CCDC141: variants seen among roughly 807,000 people sequenced by gnomAD.
CCDC141 encodes coiled-coil domain-containing protein 141.
In CCDC141, 168 loss-of-function variants were observed where a neutral mutation model predicts 181.0. The ratio of observed to expected loss-of-function variants is 0.93; its 90% CI spans 0.82 to 1.05. CCDC141 has a LOEUF of 1.05. Ranked by LOEUF, CCDC141 falls within the 50% of genes least tolerant of loss-of-function variation. CCDC141 has a pLI of 0.00. For missense variants in CCDC141, 1,902 were observed against 1,788.5 expected (o/e 1.06, Z -1.14); for synonymous variants, 666 against 642.3 (o/e 1.04, Z -0.56).
At chr2:178,957,986 C>T (rs1405317592) in intron 5 of CCDC141, among the ~76,000 whole-genome samples, 1 of 152,104 alleles carries the variant, frequency 6.6e-6, no homozygotes, top group African/African-American at 2.4e-5. Flanking sequence ...AGCTATCAAG[C>T]CATGAAAGGA....
chr2:178,901,873 A>C (rs562477900), intron 8 of CCDC141, among the ~76,000 whole-genome samples: 18 of 152,310 alleles, frequency 1.2e-4, no homozygotes, highest in African/African-American at 4.1e-4. Context: ...GTCTCAGCCC[A>C]AAATCTCCTT....
intron 2 of CCDC141, among the ~76,000 whole-genome samples, chr2:178,988,716 A>G (rs1012118662): frequency 3.9e-5 from 6 of 152,196 alleles, no homozygotes; most frequent in African/African-American, 1.4e-4. Context: ...ATCTTGAAAA[A>G]GAACAAATTC....
chr2:178,943,925 T>C (rs964751561), intron 6 of CCDC141, among the ~76,000 whole-genome samples: 14 of 152,186 alleles, frequency 9.2e-5, no homozygotes, highest in Non-Finnish European at 2.1e-4. Context: ...CATTACTTCT[T>C]GTAAAACTGA....
Position 178,944,615 on chromosome 2 carries a change from G to A in CCDC141, c.817C>T (p.Gln273Ter), listed in dbSNP as rs1434258885. 6 of 1,529,204 alleles carry A rather than the reference G, an allele frequency of 3.9e-6. No homozygotes were observed. In the South Asian group the frequency reaches 5.0e-5, roughly 13 times the overall value. 94.7% of individuals were successfully genotyped at this position (1,529,204 alleles called of 1,614,324 possible). ...AGTGATGAACCTAGACTTTGTTCCT[G>A]TAAATTTCTTATAGTTTTCTGAAAC... ...CWFQKTIRNL[Q>*]EQSLGSSLSD... The change falls in exon 6 of 24, where the codon CAG becomes TAG. Residue 273 changes from glutamine (Q) to a stop codon, truncating the protein, a stop_gained. Coordinates refer to ENST00000443758, the MANE Select transcript of CCDC141 (RefSeq NM_173648.4). LOFTEE classifies it high-confidence loss of function.
chr2:178,959,680 C>CA (rs1386949948), intron 5 of CCDC141, among the ~76,000 whole-genome samples: 1 of 152,070 alleles, frequency 6.6e-6, no homozygotes, highest in Non-Finnish European at 1.5e-5. Context: ...AGAAGCAGGA[C>CA]AGGAGAAGCG....
chr2:178,981,363 C>A (rs1246237955), intron 2 of CCDC141, among the ~76,000 whole-genome samples: 3 of 147,432 alleles, frequency 2.0e-5, no homozygotes, highest in Non-Finnish European at 3.0e-5. Flanking sequence ...ACATACCTTA[C>A]CAAAATTTTA....
At chr2:178,827,213 C>T (rs1429976768), downstream of CCDC141, among the ~76,000 whole-genome samples, 1 of 151,962 alleles carries the variant, frequency 6.6e-6, no homozygotes, top group East Asian at 1.9e-4. Context: ...TGAAAACCTG[C>T]TTTTGTATAA....
chr2:178,881,205 A>G (rs1038416654), intron 11 of CCDC141, among the ~76,000 whole-genome samples: 1 of 152,226 alleles, frequency 6.6e-6, no homozygotes, highest in Non-Finnish European at 1.5e-5. Flanking sequence ...AAATATCCAG[A>G]AAAGGCAAAC....
intron 7 of CCDC141, among the ~76,000 whole-genome samples, chr2:178,908,323 T>G (rs1306646749): frequency 7.9e-5 from 12 of 151,970 alleles, no homozygotes; most frequent in Admixed American, 7.2e-4. Context: ...GCCTCCCGAG[T>G]AGCTGGGACT....
chr2:178,850,971 C>T (rs567158099), intron 20 of CCDC141, among the ~76,000 whole-genome samples: 4 of 151,972 alleles, frequency 2.6e-5, no homozygotes, highest in South Asian at 2.1e-4. Context: ...TTTGGGAGAC[C>T]GAGGTGGGCA....
At chr2:178,861,037 A>G (rs1344002939) in intron 17 of CCDC141, among the ~76,000 whole-genome samples, 1 of 152,138 alleles carries the variant, frequency 6.6e-6, no homozygotes. Context: ...GCAAATTGTA[A>G]TCTTTCTTAT....
At chr2:179,015,556 C>G (rs200168552) in intron 2 of CCDC141, among the ~76,000 whole-genome samples, 1 of 10,478 alleles carries the variant, frequency 9.5e-5, no homozygotes, top group Non-Finnish European at 2.6e-4. Context: ...TATCTCATAT[C>G]TCATATATAT....
chr2:178,847,305 A>G (rs1684980497), intron 21 of CCDC141, among the ~76,000 whole-genome samples: 1 of 152,166 alleles, frequency 6.6e-6, no homozygotes, highest in South Asian at 2.1e-4. Flanking sequence ...CAAGGCGGAA[A>G]GATCACTTGA....
chr2:179,045,101 A>C (rs340339), intron 2 of CCDC141, among the ~76,000 whole-genome samples: 1 of 147,582 alleles, frequency 6.8e-6, no homozygotes, highest in Non-Finnish European at 1.5e-5. Context: ...ATGCTGGTGC[A>C]CTGCACCCAC....
At chr2:178,974,996 C>T in intron 4 of CCDC141, 61 bp downstream of exon 4, 1 of 772,126 alleles carries the variant, frequency 1.3e-6, no homozygotes, top group Non-Finnish European at 2.0e-6. Flanking sequence ...CATAAGCATT[C>T]TCACATTAAC....
At position 178,853,279 on chromosome 2, in the gene CCDC141, T is replaced by C. The variant is rs188451576; in HGVS notation, c.3244+162A>G. ...CAGAAATTCCTCCCTCTGTTCCCTG[T>C]TTGCTTTCCCTGGCTGTGGGCTCTT... On this transcript the variant is annotated intron_variant, in intron 20 of 23. Coordinates refer to ENST00000443758, the MANE Select transcript of CCDC141 (RefSeq NM_173648.4). 7.3e-3 allele frequency among the ~76,000 whole-genome samples: 1,111 copies of C among 152,304 alleles called. 39 individuals are homozygous for C. The South Asian group carries it at 0.09, about 12-fold the overall frequency.
chr2:178,872,747 T>C (rs1276083324), intron 12 of CCDC141, among the ~76,000 whole-genome samples: 8 of 152,230 alleles, frequency 5.3e-5, no homozygotes, highest in Non-Finnish European at 4.4e-5. Context: ...TTCTGGACTG[T>C]TTTGTTTTTT....
intron 5 of CCDC141, among the ~76,000 whole-genome samples, chr2:178,953,648 A>G (rs1000898955): frequency 2.0e-5 from 3 of 152,176 alleles, no homozygotes; most frequent in Admixed American, 6.5e-5. Context: ...CTTCTCATTT[A>G]TTTCTCACAA....
intron 4 of CCDC141, among the ~76,000 whole-genome samples, chr2:178,970,410 T>C (rs2154379913): frequency 6.6e-6 from 1 of 152,248 alleles, no homozygotes; most frequent in African/African-American, 2.4e-5. Flanking sequence ...GTGATACTGG[T>C]ACCAAAACAG....
Sources: allele counts gnomAD v4.1 joint callset (sites outside exome capture counted in the v4.1 genomes callset), GRCh38; gene constraint gnomAD v4.1.1; transcripts MANE v1.5; gene names NCBI Gene and HGNC (gene_info 2026-07-23, HGNC 2026-07-21).